Variants in PARD3B observed in about 807,000 individuals in gnomAD.
PARD3B encodes the protein par-3 family cell polarity regulator beta, also known as partitioning defective 3 homolog B.
PARD3B carries 103 observed loss-of-function variants against 130.2 expected under a neutral mutation model. The observed-to-expected ratio is 0.79, with a 90% CI of 0.67 to 0.93. The LOEUF is 0.93. Ranked by LOEUF, PARD3B falls within the 40% of genes least tolerant of loss-of-function variation. The pLI is 0.00. For missense variants in PARD3B, 1,609 were observed against 1,499.2 expected (o/e 1.07, Z -1.21); for synonymous variants, 583 against 553.2 (o/e 1.05, Z -0.76).
At chr2:205,378,705 C>G (rs942277924) in intron 18 of PARD3B, among the ~76,000 whole-genome samples, 1 of 149,804 alleles carries the variant, frequency 6.7e-6, no homozygotes, top group Non-Finnish European at 1.5e-5. Context: ...GATCTCAGCT[C>G]ACTGCAACCT....
intron 16 of PARD3B, among the ~76,000 whole-genome samples, chr2:205,297,863 A>C (rs1219068491): frequency 6.6e-6 from 1 of 152,222 alleles, no homozygotes; most frequent in Non-Finnish European, 1.5e-5. Context: ...AACATCAGTT[A>C]GTACTTCTAC....
At chr2:205,520,444 T>A (rs1222431807) in intron 21 of PARD3B, among the ~76,000 whole-genome samples, 3 of 152,152 alleles carry the variant, frequency 2.0e-5, no homozygotes, top group Non-Finnish European at 4.4e-5. Context: ...GCAGAGAGGC[T>A]TTCAGTTGCT....
At chr2:204,724,027 C>CT (rs1227622487) in intron 2 of PARD3B, among the ~76,000 whole-genome samples, 5 of 152,104 alleles carry the variant, frequency 3.3e-5, no homozygotes, top group Non-Finnish European at 7.4e-5. Context: ...GACCTTATGG[C>CT]TAATGCCTTT....
chr2:205,126,887 T>C (rs1020827617), intron 10 of PARD3B, among the ~76,000 whole-genome samples: 1 of 152,004 alleles, frequency 6.6e-6, no homozygotes, highest in African/African-American at 2.4e-5. Flanking sequence ...TTTAAAACGT[T>C]AACAACTAGA....
chr2:205,608,613 C>A (rs1186656600), intron 22 of PARD3B, among the ~76,000 whole-genome samples: 1 of 152,132 alleles, frequency 6.6e-6, no homozygotes, highest in East Asian at 1.9e-4. Context: ...ACTTTAAAAA[C>A]CTCTCATCCC....
At chr2:205,151,804 T>A (rs191412594) in intron 10 of PARD3B, among the ~76,000 whole-genome samples, 54 of 152,214 alleles carry the variant, frequency 3.5e-4, no homozygotes, top group African/African-American at 1.3e-3. Context: ...CCTGTCATTA[T>A]GATGTTAGCT....
Position 205,172,350 on chromosome 2 carries a change from T to C in PARD3B, c.1760T>C (p.Val587Ala). Residue 587 changes from valine to alanine, a missense_variant, in exon 12 of 23, where the codon GTG (valine) becomes GCG (alanine). Val to Ala is a moderately conservative substitution (Grantham distance 64). Coordinates refer to ENST00000406610, the MANE Select transcript of PARD3B (RefSeq NM_001302769.2). ...AACATCCGAGGGATGATCCAGTTGG[T>C]GATTCTGAGGAGGCCAGAGAGACCA... ...EGNIRGMIQL[V>A]ILRRPERPME... 1 of 1,614,086 alleles carries C rather than the reference T, an allele frequency of 6.2e-7. No individual in the cohort carries two copies. The highest frequency in any genetic ancestry group is 8.5e-7 in the Non-Finnish European group (1 of 1,179,990).
At chr2:205,213,355 AT>A (rs1440480231) in intron 15 of PARD3B, among the ~76,000 whole-genome samples, 5 of 151,976 alleles carry the variant, frequency 3.3e-5, no homozygotes, top group African/African-American at 4.8e-5. Context: ...TTGAGTGAGC[AT>A]TTTTTTTCCC....
At chr2:204,556,584 G>C (rs2030938212) in intron 1 of PARD3B, among the ~76,000 whole-genome samples, 2 of 152,168 alleles carry the variant, frequency 1.3e-5, no homozygotes, top group African/African-American at 4.8e-5. Flanking sequence ...GGAAAAAAGT[G>C]GTTGAGGGAG....
rs2039351164 is a variant in PARD3B, at chr2:205,241,508, G to A, written c.2141-4270G>A. On this transcript the variant is annotated intron_variant, in intron 15 of 22. Coordinates refer to ENST00000406610, the MANE Select transcript of PARD3B (RefSeq NM_001302769.2). This position sits in a 1 kb window ranked among gnomAD's most constrained non-coding sequence, Gnocchi z 4.2. ...TAATATCCATTTACGATAATCAAGA[G>A]CAAGTAGTACCAGTCCTTGGGTAAA... Among the ~76,000 whole-genome samples the A allele has an allele frequency of 6.6e-6, 1 of 152,118 alleles. No homozygotes were observed. The highest frequency in any genetic ancestry group is 2.4e-5 in the African/African-American group (1 of 41,426).
rs964802050 is a variant in PARD3B at position 205,373,182 on chromosome 2, G to A, written c.2631-27831G>A. 7.2e-5 allele frequency among the ~76,000 whole-genome samples: 11 copies of A among 152,234 alleles called. No homozygotes were observed. The South Asian group carries it at 2.3e-3, about 32-fold the overall frequency. The stretch of plus-strand genomic sequence containing the variant: ...ATAGTCTAAGATGCAGGACCTGGAT[G>A]TTTTTCTCAGATTCTTTGATTCTCC... On this transcript the variant is annotated intron_variant, in intron 18 of 22. Transcript: ENST00000406610.
chr2:205,279,466 T>C (rs1261866814), intron 16 of PARD3B, among the ~76,000 whole-genome samples: 1 of 152,228 alleles, frequency 6.6e-6, no homozygotes, highest in Non-Finnish European at 1.5e-5. Context: ...TTTGCCTTGT[T>C]AATTATGTAC....
intron 22 of PARD3B, among the ~76,000 whole-genome samples, chr2:205,614,519 C>T (rs2055349657): frequency 6.6e-6 from 1 of 151,940 alleles, no homozygotes; most frequent in Non-Finnish European, 1.5e-5. Flanking sequence ...GCCTGGCCAA[C>T]ATAATGAAAC....
At chr2:205,003,618 T>C (rs1038255245) in intron 3 of PARD3B, among the ~76,000 whole-genome samples, 5 of 152,320 alleles carry the variant, frequency 3.3e-5, no homozygotes, top group Admixed American at 3.3e-4. Context: ...TTTGTGTTTT[T>C]CCATAGCACG....
intron 22 of PARD3B, among the ~76,000 whole-genome samples, chr2:205,579,050 C>G (rs191108037): frequency 1.4e-4 from 21 of 152,200 alleles, no homozygotes; most frequent in Admixed American, 1.3e-3. Context: ...AAATAATTAG[C>G]AAAACGTAAA....
intron 16 of PARD3B, among the ~76,000 whole-genome samples, chr2:205,256,070 A>G (rs904119366): frequency 6.6e-6 from 1 of 152,176 alleles, no homozygotes; most frequent in Non-Finnish European, 1.5e-5. Context: ...GTTCAAAGAT[A>G]CATCACTTTG....
At chr2:205,469,399 G>A (rs2048746140) in intron 20 of PARD3B, among the ~76,000 whole-genome samples, 1 of 152,086 alleles carries the variant, frequency 6.6e-6, no homozygotes, top group South Asian at 2.1e-4. Context: ...GATCCCACAT[G>A]TTTCTCCTGG....
Position 205,125,528 on chromosome 2 carries a change from T to A in PARD3B, c.1306-81T>A. The A allele has an allele frequency of 1.3e-6, 2 of 1,492,302 alleles. No homozygotes were observed. Among genetic ancestry groups the A allele is most frequent in the Non-Finnish European group, 1.8e-6 (2 of 1,102,508 alleles). 92.4% of individuals were successfully genotyped at this position (1,492,302 alleles called of 1,614,324 possible). A position where few individuals can be genotyped will look rare whatever the true frequency, so the allele number is the denominator to read the frequency against. On this transcript the variant is annotated intron_variant, in intron 9 of 22. Coordinates refer to ENST00000406610, the MANE Select transcript of PARD3B (RefSeq NM_001302769.2). This position sits in a 1 kb window ranked among gnomAD's most constrained non-coding sequence, Gnocchi z 4.0. ...CCTCAAGTATGGGAGCCCATTTGCTTCTTGTTTTCAAAAACTATCTAGTGT... is the reference window on the plus strand; with the variant it reads ...CCTCAAGTATGGGAGCCCATTTGCTACTTGTTTTCAAAAACTATCTAGTGT...
At chr2:204,586,625 A>T (rs1333444777) in intron 1 of PARD3B, among the ~76,000 whole-genome samples, 2 of 152,168 alleles carry the variant, frequency 1.3e-5, no homozygotes, top group African/African-American at 4.8e-5. Flanking sequence ...TAGCTTTCAC[A>T]ATCAGAAAGA....
Sources: allele counts gnomAD v4.1 joint callset (sites outside exome capture counted in the v4.1 genomes callset), GRCh38; gene constraint gnomAD v4.1.1; non-coding constraint Gnocchi (gnomAD v3.1); transcripts MANE v1.5; gene names NCBI Gene and HGNC (gene_info 2026-07-23, HGNC 2026-07-21).